The following SLC35D1 variants were observed in gnomAD, a reference collection of about 807,000 sequenced individuals.
The protein encoded by SLC35D1 is solute carrier family 35 member D1, also known as nucleotide sugar transporter SLC35D1.
Under a neutral mutation model 46.7 loss-of-function variants are expected in SLC35D1, and 31 were observed. The ratio of observed to expected loss-of-function variants is 0.66; its 90% confidence interval spans 0.50 to 0.90. The LOEUF is 0.90. Ranked by LOEUF, SLC35D1 falls within the 40% of genes least tolerant of loss-of-function variation. SLC35D1 has a pLI of 0.00. For missense variants in SLC35D1, 397 were observed against 426.2 expected, an observed-to-expected ratio of 0.93 and a Z score of 0.60; for synonymous variants, 195 against 164.6, an observed-to-expected ratio of 1.18 and a Z score of -1.41.
chr1:67,015,749 T>C (rs1276188090), intron 10 of SLC35D1, among the ~76,000 whole-genome samples: 1 of 152,176 alleles, frequency 6.6e-6, no homozygotes, highest in Non-Finnish European at 1.5e-5. Flanking sequence ...TTTAAAATTT[T>C]ATTTACCTTC....
chr1:66,982,011 TC>T, the SLC35D1 span: 1 of 1,329,358 alleles, frequency 7.5e-7, no homozygotes. Context: ...CTATTAAACT[TC>T]CAGAGCAGAA....
intron 8 of SLC35D1, among the ~76,000 whole-genome samples, chr1:67,035,805 C>CTTTTTTTT (rs71058492): frequency 7.5e-6 from 1 of 133,378 alleles, no homozygotes; most frequent in Non-Finnish European, 1.6e-5. Flanking sequence ...TGAAGTTTTT[C>CTTTTTTTT]TTTTTTTTTT....
the SLC35D1 span, among the ~76,000 whole-genome samples, chr1:66,983,858 G>C: frequency 6.6e-6 from 1 of 152,146 alleles, no homozygotes; most frequent in Non-Finnish European, 1.5e-5. Flanking sequence ...CTTCCGAGTA[G>C]CTGGGAGACG....
rs1349107856 is a variant in SLC35D1 at position 67,021,581 on chromosome 1, C to A, written c.751G>T (p.Ala251Ser). The A allele has an allele frequency of 6.2e-7, 1 of 1,613,926 alleles. No individual in the cohort carries two copies. The highest frequency in any genetic ancestry group is 8.5e-7 in the Non-Finnish European group (1 of 1,179,910). The change falls in exon 9 of 12, where the codon GCT (alanine) becomes TCT (serine). Residue 251 changes from alanine (A) to serine (S), a missense_variant. Coordinates refer to ENST00000235345, the MANE Select transcript of SLC35D1 (RefSeq NM_015139.3). ...AACTGCAGAAGAAAGAGGGTGTCAG[C>A]CCAGCCTTCAAACTCCACAGCCTGC... ...AQKAVEFEGW[A>S]DTLFLLQFTL... is the part of the protein sequence containing the mutation.
At chr1:67,019,043 G>C (rs1418774516) in intron 10 of SLC35D1, among the ~76,000 whole-genome samples, 1 of 152,182 alleles carries the variant, frequency 6.6e-6, no homozygotes, top group Admixed American at 6.5e-5. Context: ...ACTGTGAGGA[G>C]AAACATATAT....
Position 67,004,313 on chromosome 1 carries a change from T to C in SLC35D1, c.*27A>G. The C allele has an allele frequency of 6.3e-7, 1 of 1,596,894 alleles. No homozygotes were observed. Among genetic ancestry groups the C allele is most frequent in the South Asian group, 1.1e-5 (1 of 90,744 alleles). On this transcript the variant is annotated 3_prime_UTR_variant, in exon 12 of 12. Coordinates refer to ENST00000235345, the MANE Select transcript of SLC35D1 (RefSeq NM_015139.3). ...TCTGAGTTGATTAAAAACTTAGGCCTACGTATCAGATGAAGCAATCCTCTG... is the reference window on the plus strand; with the variant it reads ...TCTGAGTTGATTAAAAACTTAGGCCCACGTATCAGATGAAGCAATCCTCTG...
At chr1:67,006,067 C>G (rs928366654) in intron 11 of SLC35D1, among the ~76,000 whole-genome samples, 1 of 152,008 alleles carries the variant, frequency 6.6e-6, no homozygotes, top group Non-Finnish European at 1.5e-5. Context: ...CCAGGCAGGT[C>G]GTGAACTCCT....
intron 8 of SLC35D1, among the ~76,000 whole-genome samples, chr1:67,035,240 C>T (rs781153983): frequency 7.2e-5 from 11 of 152,112 alleles, no homozygotes; most frequent in Non-Finnish European, 1.3e-4. Flanking sequence ...TGCCCTCCTC[C>T]TCTATTTTTT....
In SLC35D1 at chr1:67,042,317, T is replaced by G; in HGVS notation, c.648A>C (p.Lys216Asn). Residue 216 changes from lysine (K) to asparagine (N), a missense_variant, in exon 8 of 12, where the codon AAA (lysine) becomes AAC (asparagine). Coordinates refer to ENST00000235345, the MANE Select transcript of SLC35D1 (RefSeq NM_015139.3). ...GTGCATTGTAATAGAGCAGTCCATATTTTCCCAGCTCCTAGGACAGTAAAT... is the reference window on the plus strand; with the variant it reads ...GTGCATTGTAATAGAGCAGTCCATAGTTTCCCAGCTCCTAGGACAGTAAAT... ...KQKLDSKELG[K>N]YGLLYYNALF... is the part of the protein sequence containing the mutation. The G allele has an allele frequency of 6.2e-7, 1 of 1,614,068 alleles. No homozygotes were observed. The highest frequency in any genetic ancestry group is 2.2e-5 in the East Asian group (1 of 44,874).
the SLC35D1 span, among the ~76,000 whole-genome samples, chr1:66,990,496 G>C: frequency 6.6e-6 from 1 of 151,966 alleles, no homozygotes; most frequent in Non-Finnish European, 1.5e-5. Flanking sequence ...CAAACTCCTG[G>C]GTTCAAGCAA....
rs751922486 is a variant in SLC35D1 at position 67,047,303 on chromosome 1, C to G, written c.598G>C (p.Ala200Pro). The G allele has an allele frequency of 6.2e-7, 1 of 1,613,426 alleles. No individual in the cohort carries two copies. Among genetic ancestry groups the G allele is most frequent in the Non-Finnish European group, 8.5e-7 (1 of 1,179,900 alleles). ...FILINDVLTA[A>P]NGAYVKQKLD... ...TTTTGTTTTACGTATGCACCATTTG[C>G]TGCTGTTAGGACATCGTTTATCAGA... Residue 200 changes from alanine (A) to proline (P), a missense_variant, in exon 7 of 12, where the codon GCA (alanine) becomes CCA (proline). By Grantham distance (27) the Ala-to-Pro change is conservative (BLOSUM62 -1). Transcript: ENST00000235345.
At position 67,009,149 on chromosome 1, in the gene SLC35D1, TA is replaced by T; in HGVS notation, c.894del (p.Tyr298Ter). On this transcript the variant is annotated frameshift_variant, in exon 11 of 12. Transcript: ENST00000235345. LOFTEE classifies it high-confidence loss of function. ...VGCIKNILIT[Y>X]IGMVFGGDYI... ...TAATCTCCACCAAAGACCATTCCAA[TA>T]TAAGTTATTAATATATTCTAAAAAT... 7.1e-7 allele frequency: 1 copy of T among 1,414,372 alleles called. No homozygotes were observed. The highest frequency in any genetic ancestry group is 1.2e-5 in the South Asian group (1 of 81,550). The allele number at this position is 1,414,372 out of a possible 1,614,324, so 87.6% of individuals were successfully genotyped here. A position where few individuals can be genotyped will look rare whatever the true frequency, so the allele number is the denominator to read the frequency against.
At chr1:67,043,828 C>T (rs1394120059) in intron 7 of SLC35D1, among the ~76,000 whole-genome samples, 2 of 152,180 alleles carry the variant, frequency 1.3e-5, no homozygotes, top group Non-Finnish European at 2.9e-5. Context: ...CTTTGATTCA[C>T]ACACTTCTGG....
At chr1:67,047,193 C>G (rs1231554207) in intron 7 of SLC35D1, 72 bp downstream of exon 7, 1 of 1,218,514 alleles carries the variant, frequency 8.2e-7, no homozygotes, top group African/African-American at 1.5e-5. Flanking sequence ...TTCTTTATTC[C>G]CCACTTTTTC....
downstream of SLC35D1, among the ~76,000 whole-genome samples, chr1:66,997,236 C>G (rs771318837): frequency 4.6e-5 from 7 of 152,052 alleles, no homozygotes; most frequent in Non-Finnish European, 1.0e-4. Flanking sequence ...AGGGGCTGGG[C>G]ACAGCACCTT....
rs1491115171 is a variant in SLC35D1, at chr1:67,000,107, A to AG, written c.*4232dup. On this transcript the variant is annotated 3_prime_UTR_variant, in exon 12 of 12. Transcript: ENST00000235345. ...AACAGAGTGAGACCCTGTCTTTACC[A>AG]GAAAAAAAAAAAAAAAGGAAGAAAC... The AG allele has an allele frequency of 1.6e-5, 2 of 123,914 alleles. No individual in the cohort carries two copies. The highest frequency in any genetic ancestry group is 3.8e-3 in the Middle Eastern group (1 of 262). The allele number at this position is 123,914 out of a possible 1,614,324, so 7.7% of individuals were successfully genotyped here. A position where few individuals can be genotyped will look rare whatever the true frequency, so the allele number is the denominator to read the frequency against.
intron 1 of SLC35D1, 68 bp downstream of exon 1, chr1:67,053,743 C>A: frequency 7.4e-7 from 1 of 1,356,724 alleles, no homozygotes. Flanking sequence ...GTCCAGGGAG[C>A]CGGCGCCGCG....
intron 7 of SLC35D1, among the ~76,000 whole-genome samples, chr1:67,043,147 TCG>T (rs1645212695): frequency 6.6e-6 from 1 of 150,818 alleles, no homozygotes; most frequent in African/African-American, 2.4e-5. Flanking sequence ...TGAGCCAAGA[TCG>T]CACCATTGCA....
At chr1:67,030,927 A>G (rs1031463928) in intron 8 of SLC35D1, among the ~76,000 whole-genome samples, 2 of 152,198 alleles carry the variant, frequency 1.3e-5, no homozygotes, top group Non-Finnish European at 2.9e-5. Context: ...TGTGGGACAG[A>G]AAGGCCAGAT....
Sources: allele counts gnomAD v4.1 joint callset (sites outside exome capture counted in the v4.1 genomes callset), GRCh38; gene constraint gnomAD v4.1.1; transcripts MANE v1.5; gene names NCBI Gene and HGNC (gene_info 2026-07-23, HGNC 2026-07-21).